The following SLIT2 variants were observed in gnomAD, a reference collection of about 807,000 sequenced individuals.
SLIT2 encodes the protein slit homolog 2 protein.
SLIT2 carries 41 observed loss-of-function variants against 185.7 expected under a neutral mutation model. The ratio of observed to expected loss-of-function variants is 0.22; its 90% confidence interval spans 0.17 to 0.29. The LOEUF (loss-of-function observed/expected upper bound fraction) is 0.29, where lower values mean the gene tolerates loss of function less well. SLIT2 is among the 10% of genes least tolerant of loss of function. The probability of loss-of-function intolerance (pLI) is 1.00; values close to 1 mark genes in which losing one functional copy is unlikely to be tolerated. For synonymous variants in SLIT2, 693 were observed against 680.2 expected (o/e 1.02, Z -0.29); for missense variants, 1,571 against 1,909.0 (o/e 0.82, Z 3.30).
intron 4 of SLIT2, among the ~76,000 whole-genome samples, chr4:20,309,552 C>A (rs1457515761): frequency 6.6e-6 from 1 of 151,928 alleles, no homozygotes; most frequent in African/African-American, 2.4e-5. Flanking sequence ...AAAAAAGAAG[C>A]AACAAATAAA....
intron 4 of SLIT2, among the ~76,000 whole-genome samples, chr4:20,277,739 C>T (rs137953358): frequency 6.8e-6 from 1 of 146,510 alleles, no homozygotes; most frequent in Admixed American, 6.8e-5. Context: ...AGATTTTCAT[C>T]ATGATGTAGC....
intron 9 of SLIT2, among the ~76,000 whole-genome samples, chr4:20,498,843 T>A (rs897441804): frequency 5.3e-5 from 8 of 152,242 alleles, no homozygotes; most frequent in African/African-American, 1.7e-4. Context: ...GTTAGTTCCA[T>A]GGCTTTGCTA....
At chr4:20,550,710 G>A in intron 24 of SLIT2, 117 bp from the exon 25 acceptor site, 2 of 520,488 alleles carry the variant, frequency 3.8e-6, no homozygotes, top group South Asian at 6.8e-5. Flanking sequence ...TTATTTTATA[G>A]ACCGTCTTTT....
chr4:20,410,394 G>GC (rs1727147627), intron 4 of SLIT2, among the ~76,000 whole-genome samples: 1 of 150,428 alleles, frequency 6.6e-6, no homozygotes, highest in African/African-American at 2.4e-5. Context: ...GATTACAGGT[G>GC]CCTGCCACCA....
intron 26 of SLIT2, among the ~76,000 whole-genome samples, chr4:20,555,773 A>G (rs1415340805): frequency 6.6e-6 from 1 of 152,036 alleles, no homozygotes; most frequent in African/African-American, 2.4e-5. Context: ...TTTTTTTTAA[A>G]TGTATCTGGT....
chr4:20,349,831 A>G (rs897790809), intron 4 of SLIT2, among the ~76,000 whole-genome samples: 2 of 152,200 alleles, frequency 1.3e-5, no homozygotes, highest in South Asian at 4.1e-4. Context: ...TTCCTTTGGT[A>G]TCATGGCCTA....
chr4:20,289,937 T>C (rs1715636455), intron 4 of SLIT2, among the ~76,000 whole-genome samples: 1 of 152,246 alleles, frequency 6.6e-6, no homozygotes, highest in African/African-American at 2.4e-5. Flanking sequence ...TTCTTCACTC[T>C]GCTGTCTCTG....
At chr4:20,595,613 G>A (rs867683373) in intron 30 of SLIT2, 84 bp from the exon 31 acceptor site, 6 of 1,516,338 alleles carry the variant, frequency 4.0e-6, no homozygotes, top group Non-Finnish European at 5.4e-6. Flanking sequence ...TTTTAAAGAT[G>A]GTGCCATTGT....
chr4:20,452,546 A>G (rs904188191), intron 4 of SLIT2, among the ~76,000 whole-genome samples: 6 of 152,122 alleles, frequency 3.9e-5, no homozygotes, highest in Non-Finnish European at 5.9e-5. Flanking sequence ...TGCATCTGCT[A>G]TCTTTTTTCC....
chr4:20,312,622 A>T (rs1284712382), intron 4 of SLIT2, among the ~76,000 whole-genome samples: 11 of 151,868 alleles, frequency 7.2e-5, no homozygotes, highest in Admixed American at 7.2e-4. Flanking sequence ...AAATACAAAA[A>T]AATTAGCGGG....
At chr4:20,388,761 G>A (rs1232121255) in intron 4 of SLIT2, among the ~76,000 whole-genome samples, 1 of 139,350 alleles carries the variant, frequency 7.2e-6, no homozygotes, top group East Asian at 2.0e-4. Context: ...GTGACAGAGC[G>A]AGACTCCGTC....
chr4:20,526,435 T>G (rs978664976), intron 15 of SLIT2, among the ~76,000 whole-genome samples: 2 of 152,128 alleles, frequency 1.3e-5, no homozygotes, highest in Non-Finnish European at 2.9e-5. Flanking sequence ...AGCTATTATT[T>G]AACCAGAAAA....
At chr4:20,423,223 T>C (rs1239968280) in intron 4 of SLIT2, among the ~76,000 whole-genome samples, 2 of 152,030 alleles carry the variant, frequency 1.3e-5, no homozygotes, top group African/African-American at 4.8e-5. Flanking sequence ...TTTTGTTTAA[T>C]TTCTAGAAAA....
rs745794894 is a variant in SLIT2, at chr4:20,608,165, AT to A, written c.3693-1847del. 7.2e-5 allele frequency among the ~76,000 whole-genome samples: 11 copies of A among 152,246 alleles called. No homozygotes were observed. In the East Asian group the frequency reaches 1.9e-3, roughly 27 times the overall value. ...AACATTAATTTTTGCTATGCTGGGT[AT>A]CTTTCAGTCATTTTACATAGTCCTC... On this transcript the variant is annotated intron_variant, in intron 33 of 36. Transcript: ENST00000504154.
chr4:20,435,260 G>A (rs1447871059), intron 4 of SLIT2, among the ~76,000 whole-genome samples: 1 of 152,016 alleles, frequency 6.6e-6, no homozygotes, highest in East Asian at 1.9e-4. Flanking sequence ...ATTTCTAGTT[G>A]GTATGACAAC....
At chr4:20,493,929 AG>A (rs2148801028) in intron 9 of SLIT2, among the ~76,000 whole-genome samples, 1 of 152,370 alleles carries the variant, frequency 6.6e-6, no homozygotes, top group African/African-American at 2.4e-5. Flanking sequence ...TAGGAATGAA[AG>A]TACAAGATGT....
intron 29 of SLIT2, among the ~76,000 whole-genome samples, chr4:20,573,733 T>G (rs73093131): frequency 5.7e-4 from 86 of 152,186 alleles, no homozygotes; most frequent in African/African-American, 2.1e-3. Context: ...GAAAAATATT[T>G]GAAGGTGTAT....
chr4:20,275,647 T>C (rs1177190410), intron 4 of SLIT2, among the ~76,000 whole-genome samples: 1 of 152,182 alleles, frequency 6.6e-6, no homozygotes, highest in Non-Finnish European at 1.5e-5. Context: ...ACATAAAATG[T>C]GCATTTGTAC....
At chr4:20,561,599 A>G (rs1724697165) in intron 26 of SLIT2, among the ~76,000 whole-genome samples, 1 of 151,738 alleles carries the variant, frequency 6.6e-6, no homozygotes, top group African/African-American at 2.4e-5. Flanking sequence ...ATTTAGAATA[A>G]TAATTATTCA....
Sources: allele counts gnomAD v4.1 joint callset (sites outside exome capture counted in the v4.1 genomes callset), GRCh38; gene constraint gnomAD v4.1.1; transcripts MANE v1.5; gene names NCBI Gene and HGNC (gene_info 2026-07-23, HGNC 2026-07-21).